Variants in ACIN1 observed in about 807,000 individuals in gnomAD.
ACIN1 encodes apoptotic chromatin condensation inducer 1, also known as apoptotic chromatin condensation inducer in the nucleus.
ACIN1 carries 16 observed loss-of-function variants against 146.6 expected under a neutral mutation model. That is an observed-to-expected ratio of 0.11 (90% CI 0.07 to 0.17). The LOEUF is 0.17. Ranked by LOEUF, ACIN1 falls within the 10% of genes least tolerant of loss-of-function variation. The pLI, the probability that ACIN1 is intolerant of heterozygous loss-of-function variation, is 1.00. For synonymous variants in ACIN1, 569 were observed against 582.7 expected, an observed-to-expected ratio of 0.98 and a Z score of 0.34; for missense variants, 1,357 against 1,609.3, an observed-to-expected ratio of 0.84 and a Z score of 2.68.
At chr14:23,066,305 G>A (rs185968944) in intron 9 of ACIN1, 1 of 262,006 alleles carries the variant, frequency 3.8e-6, no homozygotes, top group East Asian at 8.2e-5. Flanking sequence ...TAAGCTGGAA[G>A]AGGAGTTCAG....
At chr14:23,086,228 G>A (rs138861049) in intron 4 of ACIN1, among the ~76,000 whole-genome samples, 95 of 152,322 alleles carry the variant, frequency 6.2e-4, no homozygotes, top group African/African-American at 2.0e-3. Context: ...CCGCATCCAG[G>A]TTTTAATATG....
intron 8 of ACIN1, 146 bp downstream of exon 8, chr14:23,078,005 C>T: frequency 1.4e-6 from 1 of 695,526 alleles, no homozygotes; most frequent in Non-Finnish European, 2.3e-6. Context: ...AACATAGTAA[C>T]TGAAGTCTAG....
At position 23,078,868 on chromosome 14, in the gene ACIN1, C is replaced by G; in HGVS notation, c.1959G>C (p.Gln653His). 6.2e-7 allele frequency: 1 copy of G among 1,613,630 alleles called. No homozygotes were observed. Among genetic ancestry groups the G allele is most frequent in the Non-Finnish European group, 8.5e-7 (1 of 1,180,030 alleles). The change falls in exon 7 of 19, where the codon CAG (glutamine) becomes CAC (histidine). Residue 653 changes from glutamine to histidine, a missense_variant. Gln to His is a conservative substitution (Grantham distance 24). Transcript: ENST00000605057. Reference sequence around the variant, plus strand: ...TCACATGCTTTTCAGCTGATTCAGGCTGACTCAGACGCCTTGCTTGGACAG... The same window carrying G: ...TCACATGCTTTTCAGCTGATTCAGGGTGACTCAGACGCCTTGCTTGGACAG... Reference protein sequence around the residue: ...SSSVQARRLSQPESAEKHVTQ... With the variant: ...SSSVQARRLSHPESAEKHVTQ...
upstream of ACIN1, chr14:23,095,322 G>GC: frequency 6.4e-7 from 1 of 1,560,936 alleles, no homozygotes; most frequent in Non-Finnish European, 8.7e-7. Context: ...GCCCTGCAGC[G>GC]CCCCTTTTCT....
At position 23,069,567 on chromosome 14, in the gene ACIN1, T is replaced by C. The variant is rs1437962835; in HGVS notation, c.2174A>G (p.Asn725Ser). ...TMDTSENRPENDVPEPPMPIA... is the reference protein window; with the variant it reads ...TMDTSENRPESDVPEPPMPIA... The stretch of plus-strand genomic sequence containing the variant: ...AGGCATGGGAGGTTCTGGAACATCA[T>C]TTTCAGGTCTGTTTTCACTTGTGTC... The change falls in exon 9 of 19, where the codon AAT becomes AGT. Residue 725 changes from asparagine to serine, a missense_variant. Physicochemically the swap from Asn to Ser is conservative, Grantham distance 46. Transcript: ENST00000605057. The C allele has an allele frequency of 6.2e-7, 1 of 1,613,618 alleles. No homozygotes were observed. Among genetic ancestry groups the C allele is most frequent in the Non-Finnish European group, 8.5e-7 (1 of 1,179,814 alleles).
chr14:23,080,196 A>C lies in ACIN1; in HGVS notation c.1139T>G (p.Ile380Arg), dbSNP rs61740446. Residue 380 changes from isoleucine (I) to arginine (R), a missense_variant, in exon 6 of 19, where the codon ATA becomes AGA. By Grantham distance (97) the Ile-to-Arg change is moderately conservative. Coordinates refer to ENST00000605057, the MANE Select transcript of ACIN1 (RefSeq NM_001386863.1). ...PHPQLHSEEEIEPMEGPAPAV... is the reference protein window; with the variant it reads ...PHPQLHSEEEREPMEGPAPAV... ...GGGGGCTGGGCCTTCCATGGGCTCT[A>C]TTTCTTCTTCGCTATGGAGCTGTGG... 2.0e-4 allele frequency: 328 copies of C among 1,613,920 alleles called. No individual in the cohort carries two copies. The highest frequency in any genetic ancestry group is 2.7e-4 in the Non-Finnish European group (319 of 1,179,996).
chr14:23,060,031 C>T (rs1175588595), intron 18 of ACIN1, among the ~76,000 whole-genome samples: 2 of 147,184 alleles, frequency 1.4e-5, no homozygotes, highest in Non-Finnish European at 3.0e-5. Context: ...TATCTTGGCT[C>T]ACTGTGGTCT....
At chr14:23,069,388 C>T in intron 9 of ACIN1, 88 bp downstream of exon 9, 6 of 1,495,806 alleles carry the variant, frequency 4.0e-6, no homozygotes, top group Non-Finnish European at 5.3e-6. Context: ...AGTTAACCCA[C>T]CGTGTAAGAG....
At chr14:23,087,176 A>C (rs2048109562) in intron 4 of ACIN1, among the ~76,000 whole-genome samples, 1 of 152,248 alleles carries the variant, frequency 6.6e-6, no homozygotes, top group Non-Finnish European at 1.5e-5. Context: ...CATATGGCAG[A>C]CTGAGATTCT....
intron 16 of ACIN1, among the ~76,000 whole-genome samples, chr14:23,061,850 T>C (rs1414754934): frequency 6.6e-6 from 1 of 151,620 alleles, no homozygotes; most frequent in Non-Finnish European, 1.5e-5. Flanking sequence ...GGCGGGCGCC[T>C]GTAGTCCCAG....
chr14:23,082,743 C>CT lies in ACIN1; in HGVS notation c.437-908dup, dbSNP rs36123912. ...TACAGGCATGAGCTCACATGTTTTT[C>CT]TTTTTTTTTTTTTGAGACAGAGTTT... is the stretch of plus-strand genomic sequence containing the variant. On this transcript the variant is annotated intron_variant, in intron 4 of 18. Transcript: ENST00000605057. 0.017 allele frequency among the ~76,000 whole-genome samples: 2,301 copies of CT among 138,302 alleles called. 127 individuals carry two copies. The East Asian group carries it at 0.22, about 13-fold the overall frequency. The allele number at this position is 138,302 out of a possible 152,430, so 90.7% of individuals were successfully genotyped here. A position where few individuals can be genotyped will look rare whatever the true frequency, so the allele number is the denominator to read the frequency against.
At position 23,080,672 on chromosome 14, in the gene ACIN1, C is replaced by G. The variant is rs775442241; in HGVS notation, c.663G>C (p.Glu221Asp). Residue 221 changes from glutamate (E) to aspartate (D), a missense_variant, in exon 6 of 19, where the codon GAG (glutamate) becomes GAC (aspartate). This residue lies in a region of ACIN1 where 771 missense variants were observed against 746.6 expected (regional missense o/e 1.03). Transcript: ENST00000605057. ...CTTCCTCTTCTTCATCATCTTCTTC[C>G]TCCTCCTCCTCCTCCTCTTCTTCCT... ...TEEEEEEEEE[E>D]EEDDEEEEGD... is the part of the protein sequence containing the mutation. 1 of 1,409,130 alleles carries G rather than the reference C, an allele frequency of 7.1e-7. No individual in the cohort carries two copies. The highest frequency in any genetic ancestry group is 9.6e-7 in the Non-Finnish European group (1 of 1,040,252). The allele number at this position is 1,409,130 out of a possible 1,614,324, so 87.3% of individuals were successfully genotyped here. A position where few individuals can be genotyped will look rare whatever the true frequency, so the allele number is the denominator to read the frequency against.
Position 23,067,511 on chromosome 14 carries a change from G to GGA in ACIN1, c.2266-1504_2266-1503insTC. On this transcript the variant is annotated intron_variant, in intron 9 of 18. Transcript: ENST00000605057. The surrounding 1 kb of genome is among the most constrained non-coding windows in gnomAD (Gnocchi z 4.6). ...CCAGGGGCGCAGGGGGGGCGGGAGG[G>GGA]AAACGTGTGGGGGGACGCTGCCCAG... The GGA allele has an allele frequency of 4.5e-6, 1 of 221,754 alleles. No individual in the cohort carries two copies. The highest frequency in any genetic ancestry group is 7.3e-6 in the Non-Finnish European group (1 of 137,286). 13.7% of individuals were successfully genotyped at this position (221,754 alleles called of 1,614,324 possible).
intron 8 of ACIN1, 35 bp from the exon 9 acceptor site, chr14:23,069,652 G>GGGGGCGCC: frequency 3.5e-6 from 2 of 577,948 alleles, no homozygotes; most frequent in Non-Finnish European, 3.3e-6. Context: ...GGGGGGGCGG[G>GGGGGCGCC]CAGAAAAGAA....
chr14:23,084,470 C>T lies in ACIN1; in HGVS notation c.437-2634G>A, dbSNP rs928145183. Among the ~76,000 whole-genome samples, 11 of 151,964 alleles carry T rather than the reference C, an allele frequency of 7.2e-5. No homozygotes were observed. The East Asian group carries it at 1.2e-3, about 16-fold the overall frequency. ...AAATACAAAAAAAATTTTAGCTGGG[C>T]GTGGTGGCGTACGCCTGCAGTCCCA... On this transcript the variant is annotated intron_variant, in intron 4 of 18. Coordinates refer to ENST00000605057, the MANE Select transcript of ACIN1 (RefSeq NM_001386863.1).
At chr14:23,090,210 T>G in intron 3 of ACIN1, 109 bp from the exon 4 acceptor site, 1 of 1,425,866 alleles carries the variant, frequency 7.0e-7, no homozygotes, top group South Asian at 1.4e-5. Flanking sequence ...CAGAGATACA[T>G]ACCAAAAAGA....
At chr14:23,079,508 G>C (rs1008504248) in intron 6 of ACIN1, 39 bp downstream of exon 6, 1 of 1,600,652 alleles carries the variant, frequency 6.2e-7, no homozygotes, top group Non-Finnish European at 8.5e-7. Flanking sequence ...ACTGGAATAT[G>C]ACAGAACATT....
At chr14:23,095,247 G>C (rs1344582651), upstream of ACIN1, 1 of 1,608,172 alleles carries the variant, frequency 6.2e-7, no homozygotes, top group Non-Finnish European at 8.5e-7. Flanking sequence ...AGAACTCCCC[G>C]GGTTCCTCCG....
intron 6 of ACIN1, 140 bp downstream of exon 6, chr14:23,079,404 TGAG>T: frequency 7.2e-7 from 1 of 1,385,060 alleles, no homozygotes; most frequent in Admixed American, 2.3e-5. Flanking sequence ...GATTCTGAAA[TGAG>T]GAGAAAGTAA....
Sources: gnomAD v4.1 joint callset for allele counts (sites outside exome capture counted in the v4.1 genomes callset) on GRCh38, gnomAD v4.1.1 for gene constraint, gnomAD v4.1.1 regional missense constraint, Gnocchi (gnomAD v3.1) non-coding constraint, MANE v1.5 for transcripts, NCBI Gene and HGNC (gene_info 2026-07-23, HGNC 2026-07-21) for gene names.